The following SHISA9 variants were observed in gnomAD, a reference collection of about 807,000 sequenced individuals.
SHISA9 encodes the protein shisa family member 9, also known as protein shisa-9.
In SHISA9, 13 loss-of-function variants were observed where a neutral mutation model predicts 38.0. The observed-to-expected ratio is 0.34, with a 90% CI of 0.22 to 0.54. The LOEUF (loss-of-function observed/expected upper bound fraction) is 0.54, where lower values mean the gene tolerates loss of function less well. Among genes scored for constraint, SHISA9 ranks in the 20% least tolerant of loss-of-function variants. The pLI, the probability that SHISA9 is intolerant of heterozygous loss-of-function variation, is 0.91. For synonymous variants in SHISA9, 275 were observed against 242.0 expected, an observed-to-expected ratio of 1.14 and a Z score of -1.27; for missense variants, 538 against 575.8, an observed-to-expected ratio of 0.93 and a Z score of 0.67.
At chr16:13,379,723 C>T in the SHISA9 span, among the ~76,000 whole-genome samples, 1 of 152,156 alleles carries the variant, frequency 6.6e-6, no homozygotes, top group Non-Finnish European at 1.5e-5. Context: ...GGCTATCTCT[C>T]GTTCCTTTCC....
chr16:13,077,947 T>C (rs147818837), intron 2 of SHISA9, among the ~76,000 whole-genome samples: 45 of 152,160 alleles, frequency 3.0e-4, no homozygotes, highest in African/African-American at 1.1e-3. Context: ...GAAAAAAATA[T>C]GGCAAACAAG....
chr16:12,914,261 G>T (rs557911497), intron 1 of SHISA9, among the ~76,000 whole-genome samples: 1 of 152,056 alleles, frequency 6.6e-6, no homozygotes, highest in East Asian at 1.9e-4. Context: ...GGTCGGGCTG[G>T]TCTCGAACTC....
the SHISA9 span, among the ~76,000 whole-genome samples, chr16:13,525,350 C>T: frequency 6.6e-6 from 1 of 152,128 alleles, no homozygotes; most frequent in African/African-American, 2.4e-5. Context: ...CTTAGACTTT[C>T]TGTCGAAGAG....
At chr16:13,129,884 C>T (rs1248835434) in intron 2 of SHISA9, among the ~76,000 whole-genome samples, 1 of 152,216 alleles carries the variant, frequency 6.6e-6, no homozygotes, top group African/African-American at 2.4e-5. Context: ...CTTCTCCCTT[C>T]CCAGAGTGAA....
At chr16:13,043,969 A>C (rs773995291) in intron 2 of SHISA9, among the ~76,000 whole-genome samples, 1 of 152,150 alleles carries the variant, frequency 6.6e-6, no homozygotes, top group Non-Finnish European at 1.5e-5. Context: ...GGCTGGAATA[A>C]TATTTTATTT....
chr16:13,185,344 G>A (rs1301219013), intron 2 of SHISA9, among the ~76,000 whole-genome samples: 1 of 152,140 alleles, frequency 6.6e-6, no homozygotes, highest in African/African-American at 2.4e-5. Flanking sequence ...TGGGCCTACA[G>A]GGACATGACA....
chr16:13,168,526 A>C (rs560910115), intron 2 of SHISA9, among the ~76,000 whole-genome samples: 2 of 152,202 alleles, frequency 1.3e-5, no homozygotes, highest in Admixed American at 1.3e-4. Context: ...TAGTCTTCTT[A>C]GGTGCCCCAG....
the SHISA9 span, among the ~76,000 whole-genome samples, chr16:13,261,748 A>G: frequency 6.6e-6 from 1 of 152,200 alleles, no homozygotes; most frequent in Non-Finnish European, 1.5e-5. Flanking sequence ...CATCATAAAC[A>G]CTTTCTGTGA....
chr16:12,905,902 T>C (rs925793515), intron 1 of SHISA9, among the ~76,000 whole-genome samples: 1 of 152,198 alleles, frequency 6.6e-6, no homozygotes, highest in African/African-American at 2.4e-5. Context: ...TGCCTGACCG[T>C]ATTTGTATTC....
chr16:13,261,002 C>A, the SHISA9 span, among the ~76,000 whole-genome samples: 2 of 152,220 alleles, frequency 1.3e-5, no homozygotes, highest in African/African-American at 2.4e-5. Context: ...TCCTGATAAA[C>A]CCATCAGATC....
the SHISA9 span, among the ~76,000 whole-genome samples, chr16:13,499,035 C>T: frequency 3.9e-5 from 6 of 152,156 alleles, no homozygotes; most frequent in Admixed American, 6.5e-5. Context: ...GCAGGAGGCC[C>T]GAGGTTTGCC....
At chr16:13,256,089 C>T in the SHISA9 span, among the ~76,000 whole-genome samples, 1 of 152,132 alleles carries the variant, frequency 6.6e-6, no homozygotes, top group Non-Finnish European at 1.5e-5. Flanking sequence ...ATACATTCAC[C>T]ATGCTGTTTC....
At chr16:13,274,376 A>G in the SHISA9 span, among the ~76,000 whole-genome samples, 1 of 152,108 alleles carries the variant, frequency 6.6e-6, no homozygotes, top group Non-Finnish European at 1.5e-5. Context: ...GATTCCTTAT[A>G]TATATATACT....
At chr16:12,989,902 G>T (rs181470137) in intron 2 of SHISA9, among the ~76,000 whole-genome samples, 1 of 152,190 alleles carries the variant, frequency 6.6e-6, no homozygotes, top group Admixed American at 6.5e-5. Context: ...AGCCGAGCAC[G>T]CATTAGCTAT....
chr16:13,208,570 A>G (rs1242454572), intron 3 of SHISA9, among the ~76,000 whole-genome samples: 1 of 151,410 alleles, frequency 6.6e-6, no homozygotes, highest in Non-Finnish European at 1.5e-5. Flanking sequence ...AGAATTGGAC[A>G]TGCACCACCT....
chr16:13,448,023 G>T, the SHISA9 span, among the ~76,000 whole-genome samples: 1 of 152,082 alleles, frequency 6.6e-6, no homozygotes, highest in Non-Finnish European at 1.5e-5. Flanking sequence ...ACAGGCCCAG[G>T]GTGTCTATCG....
the SHISA9 span, among the ~76,000 whole-genome samples, chr16:13,401,767 A>G: frequency 6.6e-6 from 1 of 152,176 alleles, no homozygotes; most frequent in African/African-American, 2.4e-5. Flanking sequence ...ATGTTTTCAT[A>G]CTGCTATGGA....
At chr16:13,364,093 T>G in the SHISA9 span, among the ~76,000 whole-genome samples, 6 of 152,226 alleles carry the variant, frequency 3.9e-5, no homozygotes, top group African/African-American at 1.4e-4. Flanking sequence ...CACAGATGTT[T>G]CTGATGATCT....
chr16:13,200,409 AACACACAC>A (rs148088145), intron 2 of SHISA9, among the ~76,000 whole-genome samples: 1 of 136,524 alleles, frequency 7.3e-6, no homozygotes, highest in African/African-American at 3.0e-5. Context: ...TATATCATGA[AACACACAC>A]ACACACACAC....
Sources: gnomAD v4.1 joint callset for allele counts (sites outside exome capture counted in the v4.1 genomes callset) on GRCh38, gnomAD v4.1.1 for gene constraint, MANE v1.5 for transcripts, NCBI Gene and HGNC (gene_info 2026-07-23, HGNC 2026-07-21) for gene names.